TENM2: variants seen among roughly 807,000 people sequenced by gnomAD.
TENM2 encodes the protein teneurin-2.
Under a neutral mutation model 245.2 loss-of-function variants are expected in TENM2, and 52 were observed. That is an observed-to-expected ratio of 0.21 (90% CI 0.17 to 0.27). The LOEUF (loss-of-function observed/expected upper bound fraction) is 0.27. TENM2 is among the 10% of genes least tolerant of loss of function. TENM2 has a pLI of 1.00. For synonymous variants in TENM2, 1,363 were observed against 1,438.9 expected (o/e 0.95, Z 1.19); for missense variants, 3,046 against 3,666.8 (o/e 0.83, Z 4.37).
chr5:168,023,034 G>C (rs554908722), intron 5 of TENM2, among the ~76,000 whole-genome samples: 1 of 152,244 alleles, frequency 6.6e-6, no homozygotes, highest in African/African-American at 2.4e-5. Flanking sequence ...ACCACAGCTC[G>C]GGCAGGAGGG....
intron 2 of TENM2, among the ~76,000 whole-genome samples, chr5:167,635,434 G>T (rs1449806915): frequency 6.6e-6 from 1 of 151,492 alleles, no homozygotes; most frequent in Non-Finnish European, 1.5e-5. Flanking sequence ...TTTTCCAGGG[G>T]TGTATCTGCA....
At chr5:167,903,640 A>G (rs537862840) in intron 3 of TENM2, among the ~76,000 whole-genome samples, 1 of 152,256 alleles carries the variant, frequency 6.6e-6, no homozygotes, top group African/African-American at 2.4e-5. Context: ...CTAGGAGAAA[A>G]TGTGTGCAGC....
chr5:167,163,360 G>T, the TENM2 span, among the ~76,000 whole-genome samples: 1 of 152,108 alleles, frequency 6.6e-6, no homozygotes, highest in African/African-American at 2.4e-5. Flanking sequence ...CAAAATGCTG[G>T]GATTACAGGC....
At chr5:167,647,531 G>A (rs1048760408) in intron 2 of TENM2, among the ~76,000 whole-genome samples, 1 of 152,022 alleles carries the variant, frequency 6.6e-6, no homozygotes, top group Admixed American at 6.5e-5. Flanking sequence ...GCTGAGGCAG[G>A]AGAATCACTT....
chr5:167,525,482 A>G (rs1323254618), intron 2 of TENM2, among the ~76,000 whole-genome samples: 1 of 152,196 alleles, frequency 6.6e-6, no homozygotes, highest in Non-Finnish European at 1.5e-5. Flanking sequence ...GAGATTTGTT[A>G]TCATAAAAGA....
chr5:167,796,268 C>T (rs958507395), intron 2 of TENM2, among the ~76,000 whole-genome samples: 4 of 152,124 alleles, frequency 2.6e-5, no homozygotes, highest in Non-Finnish European at 4.4e-5. Context: ...GCCTCTGACC[C>T]AAAACACCTT....
At chr5:167,367,867 T>G (rs2127289033) in intron 1 of TENM2, among the ~76,000 whole-genome samples, 1 of 152,214 alleles carries the variant, frequency 6.6e-6, no homozygotes, top group South Asian at 2.1e-4. Flanking sequence ...GGGCAAAAAC[T>G]TAAGGCATCA....
intron 2 of TENM2, among the ~76,000 whole-genome samples, chr5:167,734,963 G>A (rs1341951215): frequency 6.6e-6 from 1 of 152,168 alleles, no homozygotes; most frequent in Non-Finnish European, 1.5e-5. Context: ...GAAAATGCCA[G>A]TCAAACAGGG....
intron 4 of TENM2, among the ~76,000 whole-genome samples, chr5:167,956,158 G>T (rs1240113207): frequency 6.6e-6 from 1 of 152,132 alleles, no homozygotes; most frequent in African/African-American, 2.4e-5. Flanking sequence ...GCAGTGGTTT[G>T]TAGTCCTCCT....
chr5:167,606,884 A>G (rs904480820), intron 2 of TENM2, among the ~76,000 whole-genome samples: 5 of 152,184 alleles, frequency 3.3e-5, no homozygotes, highest in Non-Finnish European at 7.4e-5. Context: ...TTTCACCTTA[A>G]TTAACCCACT....
At chr5:167,777,060 G>T (rs561918285) in intron 2 of TENM2, among the ~76,000 whole-genome samples, 1 of 152,288 alleles carries the variant, frequency 6.6e-6, no homozygotes, top group African/African-American at 2.4e-5. Context: ...ATAAGTTTGA[G>T]AATAAACACA....
chr5:167,197,066 C>A, the TENM2 span, among the ~76,000 whole-genome samples: 1 of 151,952 alleles, frequency 6.6e-6, no homozygotes, highest in Non-Finnish European at 1.5e-5. Context: ...CTAGATCCAA[C>A]CTGGAGTCAT....
At chr5:167,109,071 T>C in the TENM2 span, among the ~76,000 whole-genome samples, 1 of 152,300 alleles carries the variant, frequency 6.6e-6, no homozygotes, top group South Asian at 2.1e-4. Context: ...CATTAACGGA[T>C]AATTGAGAGG....
At chr5:168,187,487 G>A (rs1760575611) in intron 13 of TENM2, 1 of 152,190 alleles carries the variant, frequency 6.6e-6, no homozygotes, top group Non-Finnish European at 1.5e-5. Flanking sequence ...ATTGGAAGAG[G>A]CCTGTGACCT....
At chr5:168,002,049 G>A (rs1275730746) in intron 5 of TENM2, among the ~76,000 whole-genome samples, 3 of 152,086 alleles carry the variant, frequency 2.0e-5, no homozygotes, top group Admixed American at 6.6e-5. Flanking sequence ...CTCCCTTCTG[G>A]GAAAGAGAAA....
chr5:168,140,295 AAAGT>A (rs1221980410), intron 12 of TENM2, among the ~76,000 whole-genome samples: 1 of 152,230 alleles, frequency 6.6e-6, no homozygotes, highest in Non-Finnish European at 1.5e-5. Flanking sequence ...GCAACAACAG[AAAGT>A]ATTTTACACA....
rs930790686 is a variant in TENM2, at chr5:168,211,837, G to A, written c.3845+83G>A. ...TTGCTTTTTTTGTTTTGTGCTTCTTGTGTAATGTTGTATATTTTTATGTAC... is the reference window on the plus strand; with the variant it reads ...TTGCTTTTTTTGTTTTGTGCTTCTTATGTAATGTTGTATATTTTTATGTAC... On this transcript the variant is annotated intron_variant, in intron 20 of 28. Transcript: ENST00000518659. The A allele has an allele frequency of 4.9e-6, 4 of 824,618 alleles. No individual in the cohort carries two copies. The East Asian group carries it at 8.6e-5, about 18-fold the overall frequency. The allele number at this position is 824,618 out of a possible 1,614,324, so 51.1% of individuals were successfully genotyped here.
intron 2 of TENM2, among the ~76,000 whole-genome samples, chr5:167,529,633 A>T (rs1348861462): frequency 1.3e-5 from 2 of 152,252 alleles, no homozygotes; most frequent in Non-Finnish European, 2.9e-5. Context: ...AGTCACGTGT[A>T]TGCTCACTTA....
intron 2 of TENM2, among the ~76,000 whole-genome samples, chr5:167,397,110 A>T (rs1173742614): frequency 6.6e-6 from 1 of 152,188 alleles, no homozygotes; most frequent in African/African-American, 2.4e-5. Flanking sequence ...ACATTTTCTA[A>T]CACACTGTAA....
Sources: gnomAD v4.1 joint callset for allele counts (sites outside exome capture counted in the v4.1 genomes callset) on GRCh38, gnomAD v4.1.1 for gene constraint, MANE v1.5 for transcripts, NCBI Gene and HGNC (gene_info 2026-07-23, HGNC 2026-07-21) for gene names.